DRD2: variants seen among roughly 807,000 people sequenced by gnomAD.
DRD2 encodes D(2) dopamine receptor.
A neutral mutation model predicts 38.0 loss-of-function variants in DRD2; 8 were observed. The ratio of observed to expected loss-of-function variants is 0.21; its 90% CI spans 0.12 to 0.38. The LOEUF is 0.38. Ranked by LOEUF, DRD2 falls within the 10% of genes least tolerant of loss-of-function variation. The pLI, the probability that DRD2 is intolerant of heterozygous loss-of-function variation, is 1.00. For missense variants in DRD2, 403 were observed against 607.7 expected (o/e 0.66, Z 3.54); for synonymous variants, 230 against 238.6 (o/e 0.96, Z 0.33).
chr11:113,424,737 T>C (rs1950923241), intron 1 of DRD2, 55 bp from the exon 2 acceptor site: 1 of 1,550,548 alleles, frequency 6.4e-7, no homozygotes. Context: ...TGCAGAGGTC[T>C]CCAGGAAGAA....
At position 113,425,963 on chromosome 11, in the gene DRD2, CT is replaced by C. The variant is rs1405759654; in HGVS notation, c.-31-1282del. Among the ~76,000 whole-genome samples the C allele has an allele frequency of 2.0e-4, 30 of 152,104 alleles. 1 individual carries two copies. Among genetic ancestry groups the C allele is most frequent in the Non-Finnish European group, 1.5e-5 (1 of 68,012 alleles). On this transcript the variant is annotated intron_variant, in intron 1 of 7. Transcript: ENST00000362072. ...TTGTGTCTTGTCAGCTGGAGAGTCC[CT>C]GAGAGGTTGGGCCCAGAGACATGAC...
chr11:113,452,807 C>T (rs1439569214), intron 1 of DRD2, among the ~76,000 whole-genome samples: 1 of 151,956 alleles, frequency 6.6e-6, no homozygotes, highest in Non-Finnish European at 1.5e-5. Flanking sequence ...GCCACCATGT[C>T]CAGCTAATTT....
intron 1 of DRD2, among the ~76,000 whole-genome samples, chr11:113,428,057 G>A (rs1356890976): frequency 6.6e-6 from 1 of 152,160 alleles, no homozygotes; most frequent in Non-Finnish European, 1.5e-5. Context: ...TTGACACCTT[G>A]ATCTGGGACG....
intron 4 of DRD2, 139 bp from the exon 5 acceptor site, chr11:113,415,750 C>A: frequency 1.0e-6 from 1 of 955,592 alleles, no homozygotes; most frequent in Non-Finnish European, 1.6e-6. Flanking sequence ...TTAAGGCTGC[C>A]TGGTCATCTT....
intron 1 of DRD2, among the ~76,000 whole-genome samples, chr11:113,470,608 C>T (rs185627590): frequency 6.6e-6 from 1 of 152,374 alleles, no homozygotes; most frequent in East Asian, 1.9e-4. Flanking sequence ...AAAATCCTTA[C>T]AGGTGACATC....
Position 113,415,617 on chromosome 11 carries a change from G to A in DRD2, c.533-6C>T, listed in dbSNP as rs201451627. The A allele has an allele frequency of 1.1e-4, 176 of 1,609,920 alleles. No homozygotes were observed. The highest frequency in any genetic ancestry group is 1.4e-4 in the Non-Finnish European group (164 of 1,177,872). On this transcript the variant is annotated splice_polypyrimidine_tract_variant and splice_region_variant and intron_variant, in intron 4 of 7. Coordinates refer to ENST00000362072, the MANE Select transcript of DRD2 (RefSeq NM_000795.4). ...AATGATGCACTCGTTCTGGTCTGGG[G>A]GAGGGAGAGCCCGGGCAGGCAGGGA...
At chr11:113,431,743 A>G (rs1052263568) in intron 1 of DRD2, among the ~76,000 whole-genome samples, 1 of 152,238 alleles carries the variant, frequency 6.6e-6, no homozygotes, top group East Asian at 1.9e-4. Flanking sequence ...GTTGGGATGT[A>G]GAGGCAGGCA....
intron 1 of DRD2, among the ~76,000 whole-genome samples, chr11:113,465,752 G>A (rs892596707): frequency 1.3e-5 from 2 of 152,202 alleles, no homozygotes; most frequent in Non-Finnish European, 2.9e-5. Flanking sequence ...GTTCTTTCAA[G>A]TATAACACTC....
chr11:113,420,621 T>G (rs2734835), intron 2 of DRD2, among the ~76,000 whole-genome samples: 64,817 of 152,132 alleles, frequency 0.43, 16,999 homozygotes, highest in Non-Finnish European at 0.6. Flanking sequence ...CTGGCAGGTG[T>G]GCAGCAGAGC....
chr11:113,445,607 A>G (rs1285151494), intron 1 of DRD2, among the ~76,000 whole-genome samples: 1 of 152,216 alleles, frequency 6.6e-6, no homozygotes, highest in African/African-American at 2.4e-5. Flanking sequence ...TGGAGCAAAT[A>G]TCAAGTATCT....
Position 113,416,960 on chromosome 11 carries a change from G to T in DRD2, c.435C>A (p.Arg145=). 2 of 1,614,152 alleles carry T rather than the reference G, an allele frequency of 1.2e-6. No homozygotes were observed. The highest frequency in any genetic ancestry group is 1.6e-4 in the Middle Eastern group (1 of 6,062). The part of the protein sequence containing the change: ...AVAMPMLYNT[R]YSSKRRVTVM... ...CGGTGACCCGGCGCTTGGAGCTGTA[G>T]CGCGTATTGTACAGCATGGGCATGG... is the stretch of plus-strand genomic sequence containing the variant. Residue 145 remains arginine, a synonymous_variant, in exon 4 of 8, where the codon CGC becomes CGA. Coordinates refer to ENST00000362072, the MANE Select transcript of DRD2 (RefSeq NM_000795.4).
intron 1 of DRD2, among the ~76,000 whole-genome samples, chr11:113,462,659 T>C (rs531895123): frequency 6.6e-6 from 1 of 152,362 alleles, no homozygotes; most frequent in East Asian, 1.9e-4. Context: ...GGCATGTGGC[T>C]GTGAGCTCTA....
intron 1 of DRD2, among the ~76,000 whole-genome samples, chr11:113,461,352 G>T (rs1325587954): frequency 6.6e-6 from 1 of 152,176 alleles, no homozygotes. Flanking sequence ...GAGAGTACAG[G>T]TCCCAGGCCT....
chr11:113,440,543 G>A (rs1350618699), intron 1 of DRD2, among the ~76,000 whole-genome samples: 1 of 152,220 alleles, frequency 6.6e-6, no homozygotes, highest in Non-Finnish European at 1.5e-5. Flanking sequence ...AGCTTGACAT[G>A]GGCCATGATG....
intron 1 of DRD2, among the ~76,000 whole-genome samples, chr11:113,453,593 T>G (rs572468894): frequency 1.3e-5 from 2 of 152,358 alleles, no homozygotes; most frequent in South Asian, 4.1e-4. Context: ...TTGAATACTT[T>G]AGAAATGCTA....
intron 1 of DRD2, among the ~76,000 whole-genome samples, chr11:113,473,851 G>A: frequency 6.6e-6 from 1 of 152,220 alleles, no homozygotes; most frequent in South Asian, 2.1e-4. Context: ...TAATGCTGCA[G>A]GATGAATCAG....
rs765078741 is a variant in DRD2, at chr11:113,410,940, C to T, written c.1139-20G>A. 6 of 1,598,760 alleles carry T rather than the reference C, an allele frequency of 3.8e-6. No individual in the cohort carries two copies. The Admixed American group carries it at 5.0e-5, about 13-fold the overall frequency. On this transcript the variant is annotated intron_variant, in intron 7 of 7. Coordinates refer to ENST00000362072, the MANE Select transcript of DRD2 (RefSeq NM_000795.4). ...ACACGCCTGGGGGAGAGGGCATGGT[C>T]AGGCTGGTCCCCAGAGCCGGGGAGG...
At chr11:113,439,659 G>A (rs1303347568) in intron 1 of DRD2, among the ~76,000 whole-genome samples, 4 of 151,472 alleles carry the variant, frequency 2.6e-5, no homozygotes, top group Non-Finnish European at 5.9e-5. Flanking sequence ...GGCCAACATG[G>A]TGAAGCCCCA....
chr11:113,410,538 G>T lies in DRD2; in HGVS notation c.*189C>A. The T allele has an allele frequency of 1.3e-6, 1 of 773,338 alleles. No individual in the cohort carries two copies. The allele number at this position is 773,338 out of a possible 1,614,324, so 47.9% of individuals were successfully genotyped here. On this transcript the variant is annotated 3_prime_UTR_variant, in exon 8 of 8. Transcript: ENST00000362072. ...GGCTGGTACCATGCCCAGCTCACTA[G>T]CACTGCCCTGGCAGAGTGAGGGTGT...
Sources: gnomAD v4.1 joint callset for allele counts (sites outside exome capture counted in the v4.1 genomes callset) on GRCh38, gnomAD v4.1.1 for gene constraint, MANE v1.5 for transcripts, NCBI Gene and HGNC (gene_info 2026-07-23, HGNC 2026-07-21) for gene names.